DNAH8: variants seen among roughly 807,000 people sequenced by gnomAD.
DNAH8 encodes the protein axonemal beta dynein heavy chain 8.
In DNAH8, 382 loss-of-function variants were observed where a neutral mutation model predicts 562.1. The observed-to-expected ratio is 0.68, with a 90% CI of 0.63 to 0.74. The LOEUF (loss-of-function observed/expected upper bound fraction) is 0.74, where lower values mean the gene tolerates loss of function less well. DNAH8 is among the 30% of genes least tolerant of loss of function. The pLI is 0.00. For synonymous variants in DNAH8, 1,881 were observed against 1,919.4 expected (o/e 0.98, Z 0.52); for missense variants, 5,203 against 5,620.4 (o/e 0.93, Z 2.37).
rs1356885449 is a variant in DNAH8 at position 38,761,267 on chromosome 6, C to G, written c.1516-435C>G. On this transcript the variant is annotated intron_variant, in intron 10 of 92. Transcript: ENST00000327475. ...TAATGCTATCCCTCCCCCCTCCCCC[C>G]ACCCCACAACAGTCCCCAGAGTGTG... 4.1e-5 allele frequency among the ~76,000 whole-genome samples: 4 copies of G among 98,468 alleles called. No homozygotes were observed. In the East Asian group the frequency reaches 1.1e-3, roughly 27 times the overall value. The allele number at this position is 98,468 out of a possible 152,430, so 64.6% of individuals were successfully genotyped here. A position where few individuals can be genotyped will look rare whatever the true frequency, so the allele number is the denominator to read the frequency against.
chr6:38,927,521 C>T (rs1477149097), intron 74 of DNAH8, among the ~76,000 whole-genome samples: 4 of 152,136 alleles, frequency 2.6e-5, no homozygotes, highest in East Asian at 1.9e-4. Flanking sequence ...TCCATTTCCA[C>T]GAAGCTTCTT....
At chr6:38,893,218 C>T (rs943965989) in intron 58 of DNAH8, among the ~76,000 whole-genome samples, 4 of 152,150 alleles carry the variant, frequency 2.6e-5, no homozygotes, top group African/African-American at 9.7e-5. Flanking sequence ...AAGCAGCCTT[C>T]TTTGTATCTT....
intron 74 of DNAH8, among the ~76,000 whole-genome samples, chr6:38,926,984 G>A (rs960363342): frequency 6.6e-6 from 1 of 152,044 alleles, no homozygotes; most frequent in Admixed American, 6.6e-5. Flanking sequence ...TTAAATTATT[G>A]TTCTTTGCAC....
At chr6:39,016,837 C>T (rs1267840884) in intron 91 of DNAH8, among the ~76,000 whole-genome samples, 1 of 152,194 alleles carries the variant, frequency 6.6e-6, no homozygotes, top group Non-Finnish European at 1.5e-5. Context: ...ACCTCAAGGA[C>T]AAGTGACATG....
At chr6:39,011,940 T>C (rs561648632) in intron 89 of DNAH8, among the ~76,000 whole-genome samples, 1 of 152,326 alleles carries the variant, frequency 6.6e-6, no homozygotes, top group Non-Finnish European at 1.5e-5. Flanking sequence ...GAGAAAAAGG[T>C]ACAATTTTAT....
Position 38,971,735 on chromosome 6 carries a change from A to G in DNAH8, c.12525+70A>G, listed in dbSNP as rs769437618. ...ACCCCACAATCATGGATGTTACCAC[A>G]TTCTTCTCGTGATGCTCAATCCTGG... On this transcript the variant is annotated intron_variant, in intron 83 of 92. Transcript: ENST00000327475. 3 of 1,220,792 alleles carry G rather than the reference A, an allele frequency of 2.5e-6. No homozygotes were observed. In the South Asian group the frequency reaches 4.7e-5, roughly 19 times the overall value. 75.6% of individuals were successfully genotyped at this position (1,220,792 alleles called of 1,614,324 possible). A position where few individuals can be genotyped will look rare whatever the true frequency, so the allele number is the denominator to read the frequency against.
chr6:38,803,867 G>A (rs1035278066), intron 22 of DNAH8, among the ~76,000 whole-genome samples: 2 of 151,866 alleles, frequency 1.3e-5, no homozygotes, highest in African/African-American at 4.8e-5. Flanking sequence ...CCCAGTTGAA[G>A]AGTGCACTCT....
chr6:38,852,589 T>C (rs1371892682), intron 39 of DNAH8, 105 bp from the exon 40 acceptor site: 1 of 775,870 alleles, frequency 1.3e-6, no homozygotes, highest in Admixed American at 2.7e-5. Flanking sequence ...GACAATAAAG[T>C]AAATACTTAA....
Position 38,891,081 on chromosome 6 carries a change from CCTT to C in DNAH8, c.8583+323_8583+325del, listed in dbSNP as rs1475410237. On this transcript the variant is annotated intron_variant, in intron 58 of 92. Transcript: ENST00000327475. ...AAATCTTTATTTGTATTATCTGTCT[CCTT>C]CTACCAAACTATGTCAGACACTCAG... is the stretch of plus-strand genomic sequence containing the variant. 9.8e-5 allele frequency among the ~76,000 whole-genome samples: 15 copies of C among 152,312 alleles called. No homozygotes were observed. The East Asian group carries it at 2.3e-3, about 23-fold the overall frequency.
intron 82 of DNAH8, among the ~76,000 whole-genome samples, chr6:38,953,841 A>C (rs1221760351): frequency 6.7e-6 from 1 of 148,738 alleles, no homozygotes; most frequent in East Asian, 1.9e-4. Flanking sequence ...AAATCCAATT[A>C]CTTTTTTTTT....
intron 56 of DNAH8, among the ~76,000 whole-genome samples, chr6:38,885,925 G>A (rs1399440337): frequency 6.6e-6 from 1 of 152,194 alleles, no homozygotes; most frequent in African/African-American, 2.4e-5. Flanking sequence ...CATGAGGACA[G>A]AAAATTTTGT....
In DNAH8 at chr6:38,722,917, T is replaced by A. The variant is rs1372449425; in HGVS notation, c.108T>A (p.Pro36=). ...PRSEEEEAPR[P]PTVEAPAEDG... ...CAGAAGAGGAAGAGGCCCCGCGCCC[T>A]CCGACAGTGGAGGCCCCGGCAGAAG... The change falls in exon 2 of 93, where the codon CCT becomes CCA. Residue 36 remains proline (P), a synonymous_variant. Coordinates refer to ENST00000327475, the MANE Select transcript of DNAH8 (RefSeq NM_001206927.2). 1.2e-6 allele frequency: 2 copies of A among 1,612,416 alleles called. No homozygotes were observed. Among genetic ancestry groups the A allele is most frequent in the Non-Finnish European group, 8.5e-7 (1 of 1,179,632 alleles).
At chr6:38,819,900 T>C (rs545417862) in intron 26 of DNAH8, among the ~76,000 whole-genome samples, 8 of 152,116 alleles carry the variant, frequency 5.3e-5, no homozygotes, top group Non-Finnish European at 1.2e-4. Flanking sequence ...ATTTAACAAA[T>C]AAATGTAAAA....
At chr6:38,791,932 T>A (rs755300029) in intron 21 of DNAH8, among the ~76,000 whole-genome samples, 2 of 152,184 alleles carry the variant, frequency 1.3e-5, no homozygotes, top group Non-Finnish European at 2.9e-5. Flanking sequence ...TTCACAGCTC[T>A]CTTCCACTGT....
intron 8 of DNAH8, among the ~76,000 whole-genome samples, chr6:38,744,673 C>T (rs1475413641): frequency 5.9e-5 from 9 of 152,066 alleles, no homozygotes; most frequent in African/African-American, 7.2e-5. Context: ...ATTCACTGCA[C>T]GCTCGACCTC....
chr6:38,814,643 T>C (rs879554024), intron 25 of DNAH8, among the ~76,000 whole-genome samples: 6 of 152,134 alleles, frequency 3.9e-5, no homozygotes, highest in Non-Finnish European at 8.8e-5. Flanking sequence ...AAGAATTGAG[T>C]TAGGCATCTG....
chr6:38,742,688 G>A (rs146622973), intron 8 of DNAH8, among the ~76,000 whole-genome samples: 7 of 152,110 alleles, frequency 4.6e-5, no homozygotes, highest in African/African-American at 9.6e-5. Context: ...TAAGCAGTAC[G>A]AATAAAACAA....
intron 8 of DNAH8, chr6:38,744,189 T>C (rs1279063161): frequency 6.6e-6 from 1 of 152,174 alleles, no homozygotes; most frequent in East Asian, 1.9e-4. Context: ...CTATGTTGAT[T>C]GGCTGTCCAC....
chr6:38,823,466 G>A, intron 27 of DNAH8, 96 bp from the exon 28 acceptor site: 1 of 930,610 alleles, frequency 1.1e-6, no homozygotes, highest in Non-Finnish European at 1.7e-6. Context: ...GCACACACAA[G>A]TGTAAATGTG....
Sources: gnomAD v4.1 joint callset for allele counts (sites outside exome capture counted in the v4.1 genomes callset) on GRCh38, gnomAD v4.1.1 for gene constraint, MANE v1.5 for transcripts, NCBI Gene and HGNC (gene_info 2026-07-23, HGNC 2026-07-21) for gene names.